Variants in SDK1 observed in about 807,000 individuals in gnomAD.
The protein encoded by SDK1 is sidekick cell adhesion molecule 1.
Under a neutral mutation model 245.5 loss-of-function variants are expected in SDK1, and 157 were observed. That is an observed-to-expected ratio of 0.64 (90% CI 0.56 to 0.73). SDK1 has a LOEUF of 0.73. Ranked by LOEUF, SDK1 falls within the 30% of genes least tolerant of loss-of-function variation. The pLI is 0.00. For missense variants in SDK1, 3,583 were observed against 3,002.3 expected, an observed-to-expected ratio of 1.19 and a Z score of -4.52; for synonymous variants, 1,647 against 1,278.5, an observed-to-expected ratio of 1.29 and a Z score of -6.15.
At chr7:4,180,792 G>C (rs533992194) in intron 35 of SDK1, among the ~76,000 whole-genome samples, 9 of 152,114 alleles carry the variant, frequency 5.9e-5, no homozygotes, top group Admixed American at 5.9e-4. Flanking sequence ...GCAAGAGGGA[G>C]GTGCCACACA....
At chr7:3,891,599 C>T (rs1781461559) in intron 5 of SDK1, among the ~76,000 whole-genome samples, 1 of 152,234 alleles carries the variant, frequency 6.6e-6, no homozygotes, top group South Asian at 2.1e-4. Flanking sequence ...TGCATGTCCT[C>T]CTTTCTCTAA....
At position 3,843,013 on chromosome 7, in the gene SDK1, G is replaced by A. The variant is rs191816213; in HGVS notation, c.847+21430G>A. Among the ~76,000 whole-genome samples the A allele has an allele frequency of 1.1e-4, 17 of 152,174 alleles. No individual in the cohort carries two copies. In the East Asian group the frequency reaches 2.3e-3, roughly 21 times the overall value. ...AAAGTGCATTGAACAACTGCCTAAC[G>A]CCCGTCAGTCCGTCTGGACTTAGGA... On this transcript the variant is annotated intron_variant, in intron 5 of 44. Coordinates refer to ENST00000404826, the MANE Select transcript of SDK1 (RefSeq NM_152744.4).
At chr7:3,385,196 AG>A (rs1781580121) in intron 1 of SDK1, among the ~76,000 whole-genome samples, 2 of 152,158 alleles carry the variant, frequency 1.3e-5, no homozygotes, top group Non-Finnish European at 2.9e-5. Flanking sequence ...TCTGAGCCTC[AG>A]TTTTTCTCCT....
chr7:4,243,562 G>T (rs569656300), intron 43 of SDK1, among the ~76,000 whole-genome samples: 1 of 152,204 alleles, frequency 6.6e-6, no homozygotes, highest in Non-Finnish European at 1.5e-5. Context: ...CACGTCTTAC[G>T]TGGTGGCAGG....
At chr7:4,154,613 T>G (rs976785864) in intron 30 of SDK1, among the ~76,000 whole-genome samples, 1 of 152,096 alleles carries the variant, frequency 6.6e-6, no homozygotes, top group Non-Finnish European at 1.5e-5. Flanking sequence ...TTGCCTGCTG[T>G]GTGCCACGAT....
At position 4,132,375 on chromosome 7, in the gene SDK1, G is replaced by T. The variant is rs765659787; in HGVS notation, c.4180G>T (p.Val1394Leu). Residue 1394 changes from valine to leucine, a missense_variant, in exon 28 of 45, where the codon GTG (valine) becomes TTG (leucine). Physicochemically the swap from Val to Leu is conservative, Grantham distance 32 (BLOSUM62 1). Transcript: ENST00000404826. ...GTTCCCCGAAGTGAGACTCACCTCCGTGCGGATAGTGTGGCAACCTCCGGA... is the reference window on the plus strand; with the variant it reads ...GTTCCCCGAAGTGAGACTCACCTCCTTGCGGATAGTGTGGCAACCTCCGGA... ...LVFPEVRLTS[V>L]RIVWQPPEEP... is the part of the protein sequence containing the mutation. 6.2e-7 allele frequency: 1 copy of T among 1,613,150 alleles called. No homozygotes were observed. Among genetic ancestry groups the T allele is most frequent in the East Asian group, 2.2e-5 (1 of 44,848 alleles).
chr7:3,354,736 C>A (rs544878988), intron 1 of SDK1, among the ~76,000 whole-genome samples: 1 of 152,318 alleles, frequency 6.6e-6, no homozygotes, highest in East Asian at 1.9e-4. Flanking sequence ...AATATGTTAA[C>A]CCCTGCCCTT....
chr7:3,810,451 C>G (rs1779357395), intron 4 of SDK1, among the ~76,000 whole-genome samples: 1 of 152,118 alleles, frequency 6.6e-6, no homozygotes. Flanking sequence ...CTGCATATGA[C>G]CACACCAGGA....
chr7:3,956,504 C>G (rs1490949861), intron 7 of SDK1, among the ~76,000 whole-genome samples: 1 of 152,218 alleles, frequency 6.6e-6, no homozygotes, highest in Admixed American at 6.5e-5. Context: ...ATGGGCAGCT[C>G]TGCACCTGCT....
At chr7:4,221,412 G>T in intron 40 of SDK1, 48 bp downstream of exon 40, 1 of 1,557,036 alleles carries the variant, frequency 6.4e-7, no homozygotes, top group Non-Finnish European at 8.7e-7. Flanking sequence ...GCGGACGGCA[G>T]TGCTTCTAAG....
intron 5 of SDK1, among the ~76,000 whole-genome samples, chr7:3,950,673 C>T (rs999632698): frequency 6.6e-6 from 1 of 152,132 alleles, no homozygotes; most frequent in Non-Finnish European, 1.5e-5. Flanking sequence ...TATCGGAAGT[C>T]AAAACGCGCT....
chr7:4,219,949 T>G (rs1785047402), intron 38 of SDK1, among the ~76,000 whole-genome samples, 160 bp from the exon 39 acceptor site: 1 of 152,158 alleles, frequency 6.6e-6, no homozygotes, highest in African/African-American at 2.4e-5. Context: ...TTATCTGTGC[T>G]GAAAATTGGC....
chr7:3,828,657 T>C (rs1779838380), intron 5 of SDK1, among the ~76,000 whole-genome samples: 1 of 25,100 alleles, frequency 4.0e-5, no homozygotes, highest in Non-Finnish European at 7.4e-5. Context: ...TTCTTTTTTT[T>C]TTTTTTTTGT....
At chr7:3,330,079 C>T (rs1780031627) in intron 1 of SDK1, among the ~76,000 whole-genome samples, 1 of 151,900 alleles carries the variant, frequency 6.6e-6, no homozygotes, top group South Asian at 2.1e-4. Flanking sequence ...TATATGTCAC[C>T]TTTTTTTTCC....
intron 1 of SDK1, among the ~76,000 whole-genome samples, chr7:3,482,117 G>T (rs972161750): frequency 1.1e-4 from 17 of 152,158 alleles, no homozygotes; most frequent in Non-Finnish European, 2.2e-4. Context: ...AAAGCTATAG[G>T]AATAAAATAG....
At chr7:3,870,351 C>T (rs1251052121) in intron 5 of SDK1, among the ~76,000 whole-genome samples, 4 of 152,038 alleles carry the variant, frequency 2.6e-5, no homozygotes, top group Admixed American at 6.5e-5. Flanking sequence ...GTGTCAATTT[C>T]CAGGGGAAGA....
rs75018898 is a variant in SDK1 at position 3,874,861 on chromosome 7, A to G, written c.847+53278A>G. Among the ~76,000 whole-genome samples the G allele has an allele frequency of 7.2e-3, 1,088 of 152,158 alleles. 15 individuals carry two copies. The highest frequency in any genetic ancestry group is 0.024 in the African/African-American group (1,011 of 41,500). ...TTGTTCTTCCAGGAACATAGGGGAG[A>G]TACGTCTCAGGAGAGTTTTGGCAGA... On this transcript the variant is annotated intron_variant, in intron 5 of 44. Coordinates refer to ENST00000404826, the MANE Select transcript of SDK1 (RefSeq NM_152744.4).
At chr7:3,529,866 AT>A (rs1244791072) in intron 1 of SDK1, among the ~76,000 whole-genome samples, 2 of 152,136 alleles carry the variant, frequency 1.3e-5, no homozygotes, top group African/African-American at 4.8e-5. Context: ...TGCTGACAAA[AT>A]TGTATTCCTG....
At chr7:3,847,181 C>G (rs6955441) in intron 5 of SDK1, among the ~76,000 whole-genome samples, 8,240 of 152,090 alleles carry the variant, frequency 0.054, 726 homozygotes, top group African/African-American at 0.18. Flanking sequence ...CGATTTCAAC[C>G]TTTACTCCTG....
Sources: allele counts gnomAD v4.1 joint callset (sites outside exome capture counted in the v4.1 genomes callset), GRCh38; gene constraint gnomAD v4.1.1; transcripts MANE v1.5; gene names NCBI Gene and HGNC (gene_info 2026-07-23, HGNC 2026-07-21).